AGPAT3: variants seen among roughly 807,000 people sequenced by gnomAD.
AGPAT3 encodes 1-acyl-sn-glycerol-3-phosphate acyltransferase gamma.
Under a neutral mutation model 47.3 loss-of-function variants are expected in AGPAT3, and 5 were observed. The observed-to-expected ratio is 0.11, with a 90% CI of 0.06 to 0.22. AGPAT3 has a LOEUF of 0.22. AGPAT3 is among the 10% of genes least tolerant of loss of function. The pLI is 1.00. For synonymous variants in AGPAT3, 212 were observed against 208.3 expected (o/e 1.02, Z -0.15); for missense variants, 315 against 493.0 (o/e 0.64, Z 3.42).
At chr21:43,956,775 G>A (rs2088485655) in intron 2 of AGPAT3, among the ~76,000 whole-genome samples, 2 of 152,222 alleles carry the variant, frequency 1.3e-5, no homozygotes, top group Non-Finnish European at 1.5e-5. Context: ...CTCAGGAGTA[G>A]GAGGTCAGCC....
At chr21:43,900,010 A>G (rs2086314739) in intron 1 of AGPAT3, among the ~76,000 whole-genome samples, 1 of 152,250 alleles carries the variant, frequency 6.6e-6, no homozygotes, top group Non-Finnish European at 1.5e-5. Context: ...TGGGCAGGCA[A>G]ATAGTCCTGC....
chr21:43,969,366 G>A, intron 5 of AGPAT3, 87 bp downstream of exon 5: 1 of 1,550,560 alleles, frequency 6.4e-7, no homozygotes, highest in Non-Finnish European at 8.8e-7. Flanking sequence ...TCCCAGGCTG[G>A]GAAACCCCAT....
At position 43,922,380 on chromosome 21, in the gene AGPAT3, G is replaced by A. The variant is rs1018202610; in HGVS notation, c.-49+18361G>A. Among the ~76,000 whole-genome samples, 3 of 152,230 alleles carry A rather than the reference G, an allele frequency of 2.0e-5. No individual in the cohort carries two copies. The highest frequency in any genetic ancestry group is 4.8e-5 in the African/African-American group (2 of 41,442). ...GCCCCCAGGACGCTGGGCCGAGCCA[G>A]GCAGGGACCTGCTTCAGTCCTCGAA... On this transcript the variant is annotated intron_variant, in intron 2 of 9. Transcript: ENST00000291572. The surrounding 1 kb of genome is among the most constrained non-coding windows in gnomAD (Gnocchi z 4.9).
At chr21:43,899,843 C>T (rs542267467) in intron 1 of AGPAT3, among the ~76,000 whole-genome samples, 26 of 152,172 alleles carry the variant, frequency 1.7e-4, no homozygotes, top group African/African-American at 6.0e-4. Flanking sequence ...GACCCAGCCC[C>T]GGTGATGCTC....
At chr21:43,912,161 G>A (rs1374202252) in intron 2 of AGPAT3, among the ~76,000 whole-genome samples, 1 of 152,244 alleles carries the variant, frequency 6.6e-6, no homozygotes, top group Non-Finnish European at 1.5e-5. Flanking sequence ...CAGGAGGTGT[G>A]TCCATGGCAA....
At chr21:43,942,765 G>A (rs1452457557) in intron 2 of AGPAT3, among the ~76,000 whole-genome samples, 1 of 152,234 alleles carries the variant, frequency 6.6e-6, no homozygotes, top group African/African-American at 2.4e-5. Flanking sequence ...CTGTGGTCAG[G>A]TGGGGTCTTG....
intron 2 of AGPAT3, among the ~76,000 whole-genome samples, chr21:43,957,714 C>T (rs1022961658): frequency 1.3e-5 from 2 of 148,312 alleles, no homozygotes; most frequent in East Asian, 2.0e-4. Context: ...CCCCTCCACA[C>T]GGGGGTCTCT....
chr21:43,965,768 A>G (rs1483514950), intron 3 of AGPAT3: 1 of 144,792 alleles, frequency 6.9e-6, no homozygotes, highest in East Asian at 2.0e-4. Context: ...CTGCCACCAC[A>G]TCCAGCTAAT....
At chr21:43,925,976 G>C in intron 2 of AGPAT3, among the ~76,000 whole-genome samples, 1 of 152,270 alleles carries the variant, frequency 6.6e-6, no homozygotes, top group East Asian at 1.9e-4. Flanking sequence ...AGGCCCACGT[G>C]TGAGGCCCTG....
intron 8 of AGPAT3, among the ~76,000 whole-genome samples, chr21:43,979,298 C>CAA (rs540542305): frequency 0.42 from 24,401 of 57,484 alleles, 3,793 homozygotes; most frequent in Non-Finnish European, 0.5. Flanking sequence ...GACTCCAACT[C>CAA]AAAAAAAAAA....
chr21:43,903,140 G>C (rs2086397538), intron 1 of AGPAT3, among the ~76,000 whole-genome samples: 2 of 152,212 alleles, frequency 1.3e-5, no homozygotes, highest in African/African-American at 4.8e-5. Context: ...ATTATACTGA[G>C]TGAAATAAGC....
intron 2 of AGPAT3, among the ~76,000 whole-genome samples, chr21:43,944,858 T>C (rs1171368483): frequency 6.6e-6 from 1 of 152,196 alleles, no homozygotes; most frequent in Non-Finnish European, 1.5e-5. Flanking sequence ...CTCTTACCTC[T>C]AGAACAGCAA....
chr21:43,927,437 G>C (rs1396696251), intron 2 of AGPAT3, among the ~76,000 whole-genome samples: 2 of 152,170 alleles, frequency 1.3e-5, no homozygotes, highest in Non-Finnish European at 2.9e-5. Flanking sequence ...GGTGCTCCAG[G>C]TTGATTGGAG....
intron 2 of AGPAT3, among the ~76,000 whole-genome samples, chr21:43,950,505 C>T (rs945705323): frequency 1.3e-5 from 2 of 152,198 alleles, no homozygotes; most frequent in African/African-American, 2.4e-5. Context: ...TAGTTGAATG[C>T]TTAGTAGTAT....
chr21:43,911,558 C>G (rs371700931), intron 2 of AGPAT3, among the ~76,000 whole-genome samples: 39 of 152,332 alleles, frequency 2.6e-4, no homozygotes, highest in South Asian at 2.1e-3. Flanking sequence ...TGCCTCCTGC[C>G]TGCTCTTTCT....
chr21:43,880,004 T>A lies in AGPAT3; in HGVS notation c.-112+14659T>A, dbSNP rs1015645990. 6.6e-6 allele frequency among the ~76,000 whole-genome samples: 1 copy of A among 152,150 alleles called. No individual in the cohort carries two copies. Among genetic ancestry groups the A allele is most frequent in the African/African-American group, 2.4e-5 (1 of 41,418 alleles). On this transcript the variant is annotated intron_variant, in intron 1 of 9. Transcript: ENST00000291572. The surrounding 1 kb of genome is among the most constrained non-coding windows in gnomAD (Gnocchi z 4.5). The stretch of plus-strand genomic sequence containing the variant: ...AGACGTGGGTTCTGCCCGTCTCTGT[T>A]ACTGTTTATTCTTGAAGAACAGGGC...
chr21:43,885,630 C>T (rs965505010), intron 1 of AGPAT3, among the ~76,000 whole-genome samples: 46 of 152,140 alleles, frequency 3.0e-4, no homozygotes, highest in African/African-American at 1.1e-3. Context: ...GTGATCCACC[C>T]GCCTTGGCCT....
At chr21:43,975,554 T>A (rs1250226223) in intron 7 of AGPAT3, among the ~76,000 whole-genome samples, 2 of 152,158 alleles carry the variant, frequency 1.3e-5, no homozygotes, top group Non-Finnish European at 2.9e-5. Flanking sequence ...GTGAGGCGCG[T>A]GACCCTAGAG....
intron 2 of AGPAT3, among the ~76,000 whole-genome samples, chr21:43,949,216 A>G (rs1053549727): frequency 7.2e-5 from 11 of 152,296 alleles, no homozygotes; most frequent in African/African-American, 2.6e-4. Context: ...ACATATTACT[A>G]TCTAACAAAC....
Sources: allele counts gnomAD v4.1 joint callset (sites outside exome capture counted in the v4.1 genomes callset), GRCh38; gene constraint gnomAD v4.1.1; non-coding constraint Gnocchi (gnomAD v3.1); transcripts MANE v1.5; gene names NCBI Gene and HGNC (gene_info 2026-07-23, HGNC 2026-07-21).